DNAH12: variants seen among roughly 807,000 people sequenced by gnomAD.
DNAH12 encodes dynein axonemal heavy chain 12.
A neutral mutation model predicts 371.5 loss-of-function variants in DNAH12; 285 were observed. The observed-to-expected ratio is 0.77, with a 90% CI of 0.70 to 0.85. The LOEUF is 0.85. Ranked by LOEUF, DNAH12 falls within the 40% of genes least tolerant of loss-of-function variation. The pLI is 0.00. For missense variants in DNAH12, 3,611 were observed against 3,689.4 expected (o/e 0.98, Z 0.55); for synonymous variants, 1,200 against 1,213.0 (o/e 0.99, Z 0.22).
chr3:57,352,763 T>C (rs980033911), intron 59 of DNAH12, among the ~76,000 whole-genome samples: 1 of 151,940 alleles, frequency 6.6e-6, no homozygotes, highest in Non-Finnish European at 1.5e-5. Context: ...CAAAGAAGCA[T>C]AAAGTCTAGA....
chr3:57,307,419 G>A lies in DNAH12; in HGVS notation c.11189+1732C>T, dbSNP rs2061495322. ...TCATTACCCACAGCCCAAATACGGGGCTGTGCAGTCAGAATTCTTACACAA... is the reference window on the plus strand; with the variant it reads ...TCATTACCCACAGCCCAAATACGGGACTGTGCAGTCAGAATTCTTACACAA... On this transcript the variant is annotated intron_variant, in intron 69 of 73. Coordinates refer to ENST00000495027, the MANE Select transcript of DNAH12 (RefSeq NM_001366028.2). 2.0e-5 allele frequency among the ~76,000 whole-genome samples: 3 copies of A among 152,186 alleles called. No individual in the cohort carries two copies. The South Asian group carries it at 6.2e-4, about 32-fold the overall frequency.
At chr3:57,471,699 TC>T in intron 14 of DNAH12, 93 bp from the exon 15 acceptor site, 1 of 1,146,290 alleles carries the variant, frequency 8.7e-7, no homozygotes, top group Non-Finnish European at 1.1e-6. Flanking sequence ...ATAAAAACCA[TC>T]AGAGAAGTAA....
intron 2 of DNAH12, among the ~76,000 whole-genome samples, chr3:57,541,442 T>C (rs1248801078): frequency 6.6e-6 from 1 of 152,094 alleles, no homozygotes. Context: ...TCTTGCACAC[T>C]ACAGCTTTGA....
At chr3:57,303,333 C>G (rs1197182333) in intron 69 of DNAH12, among the ~76,000 whole-genome samples, 1 of 128,892 alleles carries the variant, frequency 7.8e-6, no homozygotes, top group South Asian at 2.5e-4. Context: ...AGCAAAGACG[C>G]CAGCTCAAAA....
chr3:57,361,072 G>A (rs947080393), intron 58 of DNAH12, among the ~76,000 whole-genome samples: 18 of 151,606 alleles, frequency 1.2e-4, no homozygotes, highest in Admixed American at 3.9e-4. Flanking sequence ...ATTCAGGGCC[G>A]GGCACGGTGA....
At chr3:57,340,255 C>G (rs1169590988) in intron 60 of DNAH12, among the ~76,000 whole-genome samples, 1 of 150,454 alleles carries the variant, frequency 6.6e-6, no homozygotes, top group Non-Finnish European at 1.5e-5. Context: ...TGATGCACCT[C>G]AAGAAACTAG....
At chr3:57,374,931 A>G (rs2063252019) in intron 55 of DNAH12, among the ~76,000 whole-genome samples, 1 of 152,166 alleles carries the variant, frequency 6.6e-6, no homozygotes. Flanking sequence ...GATTTACTGG[A>G]AAGGAACATG....
chr3:57,453,199 G>C (rs756989840), intron 24 of DNAH12, 48 bp downstream of exon 24: 97 of 1,497,010 alleles, frequency 6.5e-5, no homozygotes, highest in Non-Finnish European at 8.2e-5. Context: ...TTTGTTTCCA[G>C]ATGCTATCAA....
In DNAH12 at chr3:57,523,619, AC is replaced by A; in HGVS notation, c.253-11del. 6.4e-7 allele frequency: 1 copy of A among 1,574,182 alleles called. No homozygotes were observed. ...TCATTTCACTGGTCATCTGTCAAAA[AC>A]AAACAGGATATAATTAAATCAAGGA... On this transcript the variant is annotated splice_polypyrimidine_tract_variant and intron_variant, in intron 3 of 73. Coordinates refer to ENST00000495027, the MANE Select transcript of DNAH12 (RefSeq NM_001366028.2).
intron 65 of DNAH12, 91 bp from the exon 66 acceptor site, chr3:57,314,722 A>C: frequency 7.5e-7 from 1 of 1,342,104 alleles, no homozygotes; most frequent in South Asian, 1.6e-5. Context: ...CTTTCTCACA[A>C]GATTCTGTGA....
At chr3:57,328,849 C>T (rs2062016217) in intron 62 of DNAH12, among the ~76,000 whole-genome samples, 2 of 128,484 alleles carry the variant, frequency 1.6e-5, no homozygotes, top group Non-Finnish European at 3.2e-5. Context: ...AGCTGATAAG[C>T]AAATTCAGCA....
In DNAH12 at chr3:57,524,711, AAG is replaced by A. The variant is rs1313195451; in HGVS notation, c.171-829_171-828del. 2.0e-5 allele frequency among the ~76,000 whole-genome samples: 3 copies of A among 152,272 alleles called. No individual in the cohort carries two copies. The East Asian group carries it at 5.8e-4, about 29-fold the overall frequency. ...ACCATTAGCAATGAGCTTTAAATGA[AAG>A]AGAGGATTTCAGGTGGAGACATAGT... On this transcript the variant is annotated intron_variant, in intron 2 of 73. Coordinates refer to ENST00000495027, the MANE Select transcript of DNAH12 (RefSeq NM_001366028.2).
intron 43 of DNAH12, among the ~76,000 whole-genome samples, chr3:57,402,077 T>A (rs1452727584): frequency 1.3e-5 from 2 of 152,206 alleles, no homozygotes; most frequent in Non-Finnish European, 2.9e-5. Flanking sequence ...TGTAGTTAAT[T>A]TGGTAGACAA....
intron 62 of DNAH12, among the ~76,000 whole-genome samples, chr3:57,329,747 A>G (rs2062045712): frequency 2.0e-5 from 3 of 151,536 alleles, no homozygotes; most frequent in African/African-American, 7.3e-5. Context: ...CTGCACAGCA[A>G]AAGAAACTAC....
At chr3:57,434,254 A>T (rs186611359) in intron 30 of DNAH12, among the ~76,000 whole-genome samples, 1,534 of 152,280 alleles carry the variant, frequency 0.01, 25 homozygotes, top group African/African-American at 0.035. Flanking sequence ...TGGAAAGACT[A>T]GGTAACTAGT....
chr3:57,320,504 C>T (rs927906892), intron 65 of DNAH12, among the ~76,000 whole-genome samples: 4 of 152,064 alleles, frequency 2.6e-5, no homozygotes, highest in Non-Finnish European at 4.4e-5. Context: ...CTTTTAATGG[C>T]CAAATGATGA....
At chr3:57,361,866 AT>A (rs1428930922) in intron 58 of DNAH12, among the ~76,000 whole-genome samples, 1 of 151,986 alleles carries the variant, frequency 6.6e-6, no homozygotes, top group Admixed American at 6.6e-5. Context: ...CCTTTCCAAT[AT>A]TTTTTTAAAA....
chr3:57,470,611 T>C lies in DNAH12; in HGVS notation c.1937A>G (p.Gln646Arg). 1.3e-6 allele frequency: 2 copies of C among 1,540,612 alleles called. No homozygotes were observed. The highest frequency in any genetic ancestry group is 1.7e-6 in the Non-Finnish European group (2 of 1,144,724). ...QQYVTDVRQL[Q>R]KRIQESEEAV... Reference sequence around the variant, plus strand: ...TTCTTCAGATTCCTGAATACGTTTTTGTAGTTGTCTTACATCTGTCACATA... The same window carrying C: ...TTCTTCAGATTCCTGAATACGTTTTCGTAGTTGTCTTACATCTGTCACATA... The change falls in exon 16 of 74, where the codon CAA (glutamine) becomes CGA (arginine). Residue 646 changes from glutamine to arginine, a missense_variant. Coordinates refer to ENST00000495027, the MANE Select transcript of DNAH12 (RefSeq NM_001366028.2).
At chr3:57,467,498 C>A (rs534246874) in intron 17 of DNAH12, among the ~76,000 whole-genome samples, 6 of 152,196 alleles carry the variant, frequency 3.9e-5, no homozygotes, top group African/African-American at 1.4e-4. Flanking sequence ...AAGCATTTTG[C>A]AAATGCTAAA....
Sources: gnomAD v4.1 joint callset for allele counts (sites outside exome capture counted in the v4.1 genomes callset) on GRCh38, gnomAD v4.1.1 for gene constraint, MANE v1.5 for transcripts, NCBI Gene and HGNC (gene_info 2026-07-23, HGNC 2026-07-21) for gene names.